Variants in RALGAPA2 observed in about 807,000 individuals in gnomAD.
RALGAPA2 encodes Ral GTPase activating protein catalytic subunit alpha 2, also known as ral GTPase-activating protein subunit alpha-2.
A neutral mutation model predicts 230.4 loss-of-function variants in RALGAPA2; 139 were observed. The observed-to-expected ratio is 0.60, with a 90% CI of 0.53 to 0.69. The LOEUF (loss-of-function observed/expected upper bound fraction) is 0.69, where lower values mean the gene tolerates loss of function less well. Ranked by LOEUF, RALGAPA2 falls within the 30% of genes least tolerant of loss-of-function variation. RALGAPA2 has a pLI of 0.00. For missense variants in RALGAPA2, 2,163 were observed against 2,276.0 expected (o/e 0.95, Z 1.01); for synonymous variants, 847 against 837.8 (o/e 1.01, Z -0.19).
At chr20:20,663,367 T>C (rs574547918) in intron 3 of RALGAPA2, among the ~76,000 whole-genome samples, 3 of 152,310 alleles carry the variant, frequency 2.0e-5, no homozygotes, top group African/African-American at 4.8e-5. Context: ...AAACCACAGA[T>C]AGTACCAAAC....
intron 35 of RALGAPA2, among the ~76,000 whole-genome samples, chr20:20,499,427 A>G (rs974795698): frequency 2.0e-5 from 3 of 152,250 alleles, no homozygotes; most frequent in Non-Finnish European, 2.9e-5. Context: ...TAAGAAAATT[A>G]TAGAATATGG....
intron 37 of RALGAPA2, among the ~76,000 whole-genome samples, chr20:20,412,841 C>T (rs1028196274): frequency 6.6e-6 from 1 of 152,220 alleles, no homozygotes; most frequent in Non-Finnish European, 1.5e-5. Flanking sequence ...AACTTACAAG[C>T]GTAACACACT....
intron 13 of RALGAPA2, among the ~76,000 whole-genome samples, chr20:20,613,788 C>T (rs191837052): frequency 3.9e-5 from 6 of 152,328 alleles, no homozygotes; most frequent in African/African-American, 1.4e-4. Context: ...CTCCCCCTTC[C>T]CTTCACTCAG....
intron 33 of RALGAPA2, among the ~76,000 whole-genome samples, chr20:20,506,795 A>T (rs1011379022): frequency 6.6e-6 from 1 of 152,174 alleles, no homozygotes; most frequent in Non-Finnish European, 1.5e-5. Context: ...CTTCTGTGTG[A>T]GTTATTTCTC....
chr20:20,459,685 A>T (rs1005329331), intron 37 of RALGAPA2, among the ~76,000 whole-genome samples: 2 of 152,134 alleles, frequency 1.3e-5, no homozygotes, highest in Non-Finnish European at 2.9e-5. Context: ...CAATATAATA[A>T]ATTATAATCA....
intron 38 of RALGAPA2, among the ~76,000 whole-genome samples, chr20:20,397,280 G>C (rs1415818057): frequency 6.6e-6 from 1 of 152,176 alleles, no homozygotes; most frequent in East Asian, 1.9e-4. Context: ...CCCAGGGAGG[G>C]AACACACAGC....
intron 10 of RALGAPA2, among the ~76,000 whole-genome samples, chr20:20,629,054 C>T (rs370393439): frequency 6.6e-6 from 1 of 152,136 alleles, no homozygotes; most frequent in African/African-American, 2.4e-5. Context: ...CGGCTTTCTT[C>T]CCACCTAACT....
chr20:20,400,812 A>G (rs1168300841), intron 38 of RALGAPA2, among the ~76,000 whole-genome samples: 1 of 152,252 alleles, frequency 6.6e-6, no homozygotes, highest in East Asian at 1.9e-4. Flanking sequence ...ATGGACCAAT[A>G]AAATGTGGTC....
At chr20:20,561,346 G>C (rs193076676) in intron 23 of RALGAPA2, among the ~76,000 whole-genome samples, 1 of 152,296 alleles carries the variant, frequency 6.6e-6, no homozygotes, top group Admixed American at 6.5e-5. Context: ...CAGCCATCCT[G>C]CTTCCTCTTA....
rs999670553 is a variant in RALGAPA2 at position 20,712,257 on chromosome 20, GACGCCCACCC to G, written c.106+108_106+117del. The G allele has an allele frequency of 2.0e-5, 19 of 928,554 alleles. 1 individual carries two copies. The Admixed American group carries it at 5.5e-4, about 27-fold the overall frequency. The allele number at this position is 928,554 out of a possible 1,614,324, so 57.5% of individuals were successfully genotyped here. A position where few individuals can be genotyped will look rare whatever the true frequency, so the allele number is the denominator to read the frequency against. On this transcript the variant is annotated intron_variant, in intron 1 of 39. Transcript: ENST00000202677. The surrounding 1 kb of genome is among the most constrained non-coding windows in gnomAD (Gnocchi z 5.5). ...AGCCCAGATCCAGGGAAGGGGGTCG[GACGCCCACCC>G]ATCCCCCTCCCCAGCCTCCCAGCCA...
At chr20:20,591,041 C>A in intron 17 of RALGAPA2, 136 bp downstream of exon 17, 1 of 1,059,768 alleles carries the variant, frequency 9.4e-7, no homozygotes, top group Non-Finnish European at 1.3e-6. Context: ...AAATCACATC[C>A]TTCTAATCAA....
intron 39 of RALGAPA2, among the ~76,000 whole-genome samples, chr20:20,395,647 G>C (rs2059698597): frequency 6.6e-6 from 1 of 152,150 alleles, no homozygotes; most frequent in Non-Finnish European, 1.5e-5. Context: ...AGCCCAGTTT[G>C]GGACAATATC....
In RALGAPA2 at chr20:20,605,218, C is replaced by T. The variant is rs1252453952; in HGVS notation, c.1995G>A (p.Leu665=). ...TTTCCTTTTGTTCACTTAATTTATC[C>T]AGAGGTAGGTTTGTCATCTCAACTC... ...VYGVEMTNLP[L]DKLSEQKEKK... is the part of the protein sequence containing the mutation. Residue 665 remains leucine, a synonymous_variant, in exon 15 of 40, where the codon CTG becomes CTA. Transcript: ENST00000202677. 1.1e-5 allele frequency: 18 copies of T among 1,613,538 alleles called. No individual in the cohort carries two copies. Among genetic ancestry groups the T allele is most frequent in the Non-Finnish European group, 1.5e-5 (18 of 1,179,654 alleles).
At chr20:20,656,958 G>A (rs1404845135) in intron 3 of RALGAPA2, among the ~76,000 whole-genome samples, 1 of 152,200 alleles carries the variant, frequency 6.6e-6, no homozygotes, top group Non-Finnish European at 1.5e-5. Flanking sequence ...TGCGAGAGAT[G>A]AAGACAAGCC....
In RALGAPA2 at chr20:20,635,403, T is replaced by A; in HGVS notation, c.1005+15A>T. On this transcript the variant is annotated intron_variant, in intron 9 of 39. Transcript: ENST00000202677. ...ACACAAGCATTAACAGATAAAAAGA[T>A]GATGGATGGCATACCTGGATGATTT... 1 of 1,574,130 alleles carries A rather than the reference T, an allele frequency of 6.4e-7. No homozygotes were observed. The highest frequency in any genetic ancestry group is 8.6e-7 in the Non-Finnish European group (1 of 1,156,472).
Position 20,712,299 on chromosome 20 carries a change from C to A in RALGAPA2, c.106+76G>T. ...CTCCCCAGCCTCCCAGCCACCGACCCCTGCACAGAGGAGCGCCCTCCCGGC... is the reference window on the plus strand; with the variant it reads ...CTCCCCAGCCTCCCAGCCACCGACCACTGCACAGAGGAGCGCCCTCCCGGC... On this transcript the variant is annotated intron_variant, in intron 1 of 39. Coordinates refer to ENST00000202677, the MANE Select transcript of RALGAPA2 (RefSeq NM_020343.4). The surrounding 1 kb of genome is among the most constrained non-coding windows in gnomAD (Gnocchi z 5.5). 7.0e-7 allele frequency: 1 copy of A among 1,429,836 alleles called. No individual in the cohort carries two copies. The highest frequency in any genetic ancestry group is 1.3e-5 in the South Asian group (1 of 77,864). 88.6% of individuals were successfully genotyped at this position (1,429,836 alleles called of 1,614,324 possible).
At chr20:20,696,870 T>C (rs951614719) in intron 1 of RALGAPA2, among the ~76,000 whole-genome samples, 2 of 152,178 alleles carry the variant, frequency 1.3e-5, no homozygotes, top group Admixed American at 6.6e-5. Flanking sequence ...CATCATTACC[T>C]GAAATTGTAT....
At chr20:20,417,768 A>G (rs2122826183) in intron 37 of RALGAPA2, among the ~76,000 whole-genome samples, 1 of 152,318 alleles carries the variant, frequency 6.6e-6, no homozygotes, top group South Asian at 2.1e-4. Context: ...CACCCCACAT[A>G]ATATTTACTG....
At chr20:20,689,415 G>A (rs552808469) in intron 1 of RALGAPA2, among the ~76,000 whole-genome samples, 8 of 152,100 alleles carry the variant, frequency 5.3e-5, no homozygotes, top group Non-Finnish European at 1.2e-4. Flanking sequence ...AGGCCAAGGC[G>A]GGCAGATCAC....
Sources: gnomAD v4.1 joint callset for allele counts (sites outside exome capture counted in the v4.1 genomes callset) on GRCh38, gnomAD v4.1.1 for gene constraint, Gnocchi (gnomAD v3.1) non-coding constraint, MANE v1.5 for transcripts, NCBI Gene and HGNC (gene_info 2026-07-23, HGNC 2026-07-21) for gene names.